The following TGFBR2 variants were observed in gnomAD, a reference collection of about 807,000 sequenced individuals.
TGFBR2 encodes TGF-beta receptor type-2.
A neutral mutation model predicts 49.0 loss-of-function variants in TGFBR2; 18 were observed. That is an observed-to-expected ratio of 0.37 (90% CI 0.25 to 0.54). The LOEUF (loss-of-function observed/expected upper bound fraction) is 0.54. Ranked by LOEUF, TGFBR2 falls within the 20% of genes least tolerant of loss-of-function variation. TGFBR2 has a pLI of 0.85. For synonymous variants in TGFBR2, 282 were observed against 275.9 expected (o/e 1.02, Z -0.22); for missense variants, 525 against 722.6 (o/e 0.73, Z 3.13).
chr3:30,647,717 C>T (rs971074483), intron 2 of TGFBR2, among the ~76,000 whole-genome samples: 41 of 151,904 alleles, frequency 2.7e-4, no homozygotes, highest in African/African-American at 9.6e-4. Context: ...CCCACTGTTG[C>T]CCAGGCTGGA....
At chr3:30,666,866 A>G (rs999991518) in intron 3 of TGFBR2, among the ~76,000 whole-genome samples, 4 of 151,940 alleles carry the variant, frequency 2.6e-5, no homozygotes, top group Admixed American at 2.6e-4. Flanking sequence ...GGCTAGTCTC[A>G]AACTCCTAGG....
intron 1 of TGFBR2, among the ~76,000 whole-genome samples, chr3:30,631,316 A>G (rs866594437): frequency 2.0e-5 from 3 of 152,178 alleles, no homozygotes; most frequent in Non-Finnish European, 4.4e-5. Flanking sequence ...CTGGGATTAC[A>G]GGCGTGAGCC....
chr3:30,607,823 A>AT (rs1169227577), intron 1 of TGFBR2, among the ~76,000 whole-genome samples: 2 of 135,712 alleles, frequency 1.5e-5, no homozygotes, highest in East Asian at 4.0e-4. Flanking sequence ...TTATATATAT[A>AT]TAAATATATA....
At chr3:30,655,508 CGTT>C (rs1343820281) in intron 3 of TGFBR2, among the ~76,000 whole-genome samples, 7 of 152,186 alleles carry the variant, frequency 4.6e-5, no homozygotes, top group Admixed American at 4.6e-4. Flanking sequence ...AAATTAGACA[CGTT>C]GTTCCTGTTT....
At chr3:30,662,683 A>T (rs1329487558) in intron 3 of TGFBR2, among the ~76,000 whole-genome samples, 1 of 152,144 alleles carries the variant, frequency 6.6e-6, no homozygotes, top group Non-Finnish European at 1.5e-5. Flanking sequence ...TACTAGGATG[A>T]TGGATGGGGA....
In TGFBR2 at chr3:30,664,149, ATT is replaced by A. The variant is rs35145271; in HGVS notation, c.455-7475_455-7474del. Among the ~76,000 whole-genome samples, 398 of 146,690 alleles carry A rather than the reference ATT, an allele frequency of 2.7e-3. 1 individual carries two copies. Among genetic ancestry groups the A allele is most frequent in the African/African-American group, 8.3e-3 (332 of 39,850 alleles). On this transcript the variant is annotated intron_variant, in intron 3 of 6. Transcript: ENST00000295754. The stretch of plus-strand genomic sequence containing the variant: ...ATGCCCACACCACCACATCCAGCTA[ATT>A]TTTTTTTTTTTTTATACAGACAGGG...
At chr3:30,636,881 G>A (rs930969026) in intron 1 of TGFBR2, among the ~76,000 whole-genome samples, 12 of 151,996 alleles carry the variant, frequency 7.9e-5, no homozygotes, top group African/African-American at 9.7e-5. Context: ...TGGCTAACAC[G>A]GTGAAACCCC....
intron 1 of TGFBR2, among the ~76,000 whole-genome samples, chr3:30,634,639 CTCTATCAG>C (rs1698496276): frequency 6.6e-6 from 1 of 152,150 alleles, no homozygotes; most frequent in South Asian, 2.1e-4. Context: ...ATTATCTTGC[CTCTATCAG>C]TCTGTGCCAT....
Position 30,671,749 on chromosome 3 carries a change from A to G in TGFBR2, c.566A>G (p.Tyr189Cys). 1.2e-6 allele frequency: 2 copies of G among 1,614,160 alleles called. No homozygotes were observed. The highest frequency in any genetic ancestry group is 1.7e-6 in the Non-Finnish European group (2 of 1,180,018). The change falls in exon 4 of 7, where the codon TAC becomes TGC. Residue 189 changes from tyrosine to cysteine, a missense_variant. Tyr to Cys is a radical substitution (Grantham distance 194, BLOSUM62 -2). Coordinates refer to ENST00000295754, the MANE Select transcript of TGFBR2 (RefSeq NM_003242.6). ...AISVIIIFYCYRVNRQQKLSS... is the reference protein window; with the variant it reads ...AISVIIIFYCCRVNRQQKLSS... ...TCTGTCATCATCATCTTCTACTGCT[A>G]CCGCGTTAACCGGCAGCAGAAGCTG...
At chr3:30,630,194 G>A (rs781340684) in intron 1 of TGFBR2, among the ~76,000 whole-genome samples, 19 of 152,124 alleles carry the variant, frequency 1.2e-4, no homozygotes, top group Non-Finnish European at 2.2e-4. Flanking sequence ...CTGGCCATAC[G>A]ATTTTACACA....
intron 1 of TGFBR2, among the ~76,000 whole-genome samples, chr3:30,640,010 A>G (rs1327718502): frequency 7.2e-5 from 11 of 152,216 alleles, no homozygotes; most frequent in Admixed American, 7.2e-4. Context: ...CCTCAAAGAC[A>G]ATAGTACAGT....
rs73823656 is a variant in TGFBR2, at chr3:30,644,232, T to C, written c.95-515T>C. On this transcript the variant is annotated intron_variant, in intron 1 of 6. Transcript: ENST00000295754. Reference sequence around the variant, plus strand: ...GTGCCTCCAGCAACGGTTCCTCCTTTGGTGTGGCACTTCATGACTCTGTGA... The same window carrying C: ...GTGCCTCCAGCAACGGTTCCTCCTTCGGTGTGGCACTTCATGACTCTGTGA... Among the ~76,000 whole-genome samples, 967 of 152,286 alleles carry C rather than the reference T, an allele frequency of 6.3e-3. 9 individuals carry two copies. Among genetic ancestry groups the C allele is most frequent in the African/African-American group, 0.022 (910 of 41,568 alleles).
At chr3:30,638,149 G>GT (rs904695665) in intron 1 of TGFBR2, among the ~76,000 whole-genome samples, 9 of 152,130 alleles carry the variant, frequency 5.9e-5, no homozygotes, top group Admixed American at 2.0e-4. Flanking sequence ...TTAAAGTAGC[G>GT]TTTTTTTAAC....
chr3:30,631,225 A>C (rs944146188), intron 1 of TGFBR2, among the ~76,000 whole-genome samples: 2 of 151,992 alleles, frequency 1.3e-5, no homozygotes, highest in Non-Finnish European at 2.9e-5. Flanking sequence ...TATTTTTAGT[A>C]GAGACGGGGT....
chr3:30,681,828 C>CAAGA (rs1317274620), intron 5 of TGFBR2, among the ~76,000 whole-genome samples: 1 of 151,894 alleles, frequency 6.6e-6, no homozygotes, highest in Non-Finnish European at 1.5e-5. Context: ...AACCCTGGAA[C>CAAGA]AAGAATTTGA....
chr3:30,680,987 T>G (rs1699529346), intron 5 of TGFBR2, among the ~76,000 whole-genome samples: 1 of 151,872 alleles, frequency 6.6e-6, no homozygotes. Context: ...AATACTCTCG[T>G]CATCCCCAGC....
Position 30,688,419 on chromosome 3 carries a change from G to T in TGFBR2, c.1432G>T (p.Val478Leu). Reference protein sequence around the residue: ...KDYEPPFGSKVREHPCVESMK... With the variant: ...KDYEPPFGSKLREHPCVESMK... ...TTATGAGCCTCCATTTGGTTCCAAG[G>T]TGCGGGAGCACCCCTGTGTCGAAAG... Residue 478 changes from valine (V) to leucine (L), a missense_variant, in exon 6 of 7, where the codon GTG becomes TTG. By Grantham distance (32) the Val-to-Leu change is conservative. Transcript: ENST00000295754. The T allele has an allele frequency of 6.2e-7, 1 of 1,614,212 alleles. No individual in the cohort carries two copies. The highest frequency in any genetic ancestry group is 8.5e-7 in the Non-Finnish European group (1 of 1,180,018).
chr3:30,630,797 T>C (rs1025241220), intron 1 of TGFBR2, among the ~76,000 whole-genome samples: 65 of 152,264 alleles, frequency 4.3e-4, no homozygotes, highest in African/African-American at 1.6e-3. Flanking sequence ...TGCTATGTGA[T>C]GACACAGTAC....
At chr3:30,685,936 A>G (rs185998889) in intron 5 of TGFBR2, among the ~76,000 whole-genome samples, 1 of 151,384 alleles carries the variant, frequency 6.6e-6, no homozygotes, top group East Asian at 1.9e-4. Context: ...TCATATACAA[A>G]TCCTATCCTT....
Sources: gnomAD v4.1 joint callset for allele counts (sites outside exome capture counted in the v4.1 genomes callset) on GRCh38, gnomAD v4.1.1 for gene constraint, MANE v1.5 for transcripts, NCBI Gene and HGNC (gene_info 2026-07-23, HGNC 2026-07-21) for gene names.